Variants in GPR161 observed in about 807,000 individuals in gnomAD.
GPR161 encodes the protein G protein-coupled receptor 161, also known as G-protein coupled receptor RE2.
In GPR161, 25 loss-of-function variants were observed where a neutral mutation model predicts 39.2. The observed-to-expected ratio is 0.64, with a 90% CI of 0.47 to 0.89. GPR161 has a LOEUF of 0.89. GPR161 is among the 40% of genes least tolerant of loss of function. The probability of loss-of-function intolerance (pLI) is 0.00; values close to 1 mark genes in which losing one functional copy is unlikely to be tolerated. For missense variants in GPR161, 547 were observed against 677.8 expected (o/e 0.81, Z 2.14); for synonymous variants, 286 against 276.6 (o/e 1.03, Z -0.34).
At chr1:168,136,536 C>T in intron 1 of GPR161, 1 of 1,263,074 alleles carries the variant, frequency 7.9e-7, no homozygotes, top group Non-Finnish European at 1.0e-6. Flanking sequence ...AGAGCTCCAG[C>T]TCTCCAAAGC....
At chr1:168,107,799 T>C (rs186292932) in intron 1 of GPR161, among the ~76,000 whole-genome samples, 18 of 152,308 alleles carry the variant, frequency 1.2e-4, no homozygotes, top group Admixed American at 1.2e-3. Context: ...TGCCATTTCT[T>C]TCTTTTCAGA....
At chr1:168,096,357 G>A in intron 3 of GPR161, 151 bp downstream of exon 3, 1 of 778,006 alleles carries the variant, frequency 1.3e-6, no homozygotes, top group Non-Finnish European at 2.0e-6. Context: ...TCACAGCGGA[G>A]CCTCTGGAAT....
At chr1:168,104,383 C>T (rs1696391313) in intron 2 of GPR161, 94 bp downstream of exon 2, 2 of 1,033,902 alleles carry the variant, frequency 1.9e-6, no homozygotes, top group Non-Finnish European at 2.9e-6. Context: ...GGGCCCCTGA[C>T]ACTCTCCAGG....
Position 168,085,812 on chromosome 1 carries a change from GAA to G in GPR161, c.1325-18_1325-17del. On this transcript the variant is annotated splice_polypyrimidine_tract_variant and intron_variant, in intron 5 of 5. Coordinates refer to ENST00000682931, the MANE Select transcript of GPR161 (RefSeq NM_001375883.1). Reference sequence around the variant, plus strand: ...TTGGCAGCTTCTGAGGGAGAAGGCAGAAAAAAAAGTCAGCTGAGGAGCCAGGC... The same window carrying G: ...TTGGCAGCTTCTGAGGGAGAAGGCAGAAAAAAGTCAGCTGAGGAGCCAGGC... 6.3e-7 allele frequency: 1 copy of G among 1,598,064 alleles called. No homozygotes were observed. Among genetic ancestry groups the G allele is most frequent in the South Asian group, 1.1e-5 (1 of 89,934 alleles).
At chr1:168,093,907 G>A (rs886553199) in intron 3 of GPR161, among the ~76,000 whole-genome samples, 2 of 152,206 alleles carry the variant, frequency 1.3e-5, no homozygotes, top group African/African-American at 4.8e-5. Context: ...CTGGGATCAG[G>A]ACCTTCAGGG....
intron 1 of GPR161, 152 bp from the exon 2 acceptor site, chr1:168,105,046 C>A: frequency 1.6e-6 from 1 of 608,468 alleles, no homozygotes; most frequent in East Asian, 2.8e-5. Context: ...CACGTAAGCG[C>A]TACATAAGTG....
intron 1 of GPR161, among the ~76,000 whole-genome samples, chr1:168,125,293 G>A (rs948066375): frequency 2.0e-5 from 3 of 152,188 alleles, no homozygotes; most frequent in Admixed American, 6.5e-5. Context: ...TTTGGGGAGT[G>A]CTGATTTGTT....
chr1:168,119,269 T>TACATATATATAA (rs1466249779), intron 1 of GPR161, among the ~76,000 whole-genome samples: 2 of 126,462 alleles, frequency 1.6e-5, no homozygotes, highest in African/African-American at 6.6e-5. Context: ...TATATATATG[T>TACATATATATAA]GTATATATAT....
At chr1:168,126,528 T>C (rs905005340) in intron 1 of GPR161, among the ~76,000 whole-genome samples, 5 of 152,210 alleles carry the variant, frequency 3.3e-5, no homozygotes, top group Admixed American at 2.0e-4. Flanking sequence ...CACAGCCCAC[T>C]GTAGCCTCGA....
At chr1:168,137,200 T>C (rs908396493), upstream of GPR161, 38 of 1,434,550 alleles carry the variant, frequency 2.6e-5, no homozygotes, top group African/African-American at 1.3e-4. Context: ...CTGAAAACCT[T>C]TGTGGTGCCT....
chr1:168,084,270 A>G lies in GPR161; in HGVS notation c.*1261T>C, dbSNP rs1372416505. 1 of 169,662 alleles carries G rather than the reference A, an allele frequency of 5.9e-6. No homozygotes were observed. The highest frequency in any genetic ancestry group is 2.4e-5 in the African/African-American group (1 of 41,512). The allele number at this position is 169,662 out of a possible 1,614,324, so 10.5% of individuals were successfully genotyped here. A position where few individuals can be genotyped will look rare whatever the true frequency, so the allele number is the denominator to read the frequency against. On this transcript the variant is annotated 3_prime_UTR_variant, in exon 6 of 6. Coordinates refer to ENST00000682931, the MANE Select transcript of GPR161 (RefSeq NM_001375883.1). ...TGATCTGCCTGCACTTCACATGTGCATGAGCAACCACACTCCAAAGTTATA... is the reference window on the plus strand; with the variant it reads ...TGATCTGCCTGCACTTCACATGTGCGTGAGCAACCACACTCCAAAGTTATA...
In GPR161 at chr1:168,096,848, C is replaced by A. The variant is rs770649728; in HGVS notation, c.759G>T (p.Arg253Ser). The change falls in exon 3 of 6, where the codon AGG (arginine) becomes AGT (serine). Residue 253 changes from arginine (R) to serine (S), a missense_variant. By Grantham distance (110) the Arg-to-Ser change is moderately radical. Transcript: ENST00000682931. ...AGTAGACCACACCCTGAAAGGCATT[C>A]CTCCTGCTGCCTGAAGAGGAGGTGG... ...STSTSSSGSR[R>S]NAFQGVVYSA... 1.2e-6 allele frequency: 2 copies of A among 1,614,162 alleles called. No homozygotes were observed. Among genetic ancestry groups the A allele is most frequent in the Non-Finnish European group, 1.7e-6 (2 of 1,180,020 alleles).
In GPR161 at chr1:168,111,772, A is replaced by G. The variant is rs555443551; in HGVS notation, c.-44-6878T>C. 5.9e-5 allele frequency among the ~76,000 whole-genome samples: 9 copies of G among 152,354 alleles called. No individual in the cohort carries two copies. The East Asian group carries it at 1.7e-3, about 29-fold the overall frequency. ...CTAGAGTTAACAAGAATTTAGAGGTATGATTGAACATTTTCTAGGATTAAA... is the reference window on the plus strand; with the variant it reads ...CTAGAGTTAACAAGAATTTAGAGGTGTGATTGAACATTTTCTAGGATTAAA... On this transcript the variant is annotated intron_variant, in intron 1 of 5. Transcript: ENST00000682931.
chr1:168,117,658 T>G (rs1697749309), intron 1 of GPR161, among the ~76,000 whole-genome samples: 1 of 152,214 alleles, frequency 6.6e-6, no homozygotes. Flanking sequence ...AAACTGAGGC[T>G]CAGAAAGGTA....
chr1:168,100,688 G>A (rs1292696292), intron 2 of GPR161, among the ~76,000 whole-genome samples: 2 of 152,196 alleles, frequency 1.3e-5, no homozygotes, highest in Admixed American at 6.5e-5. Flanking sequence ...TAACAAAGGG[G>A]CAACACATTA....
rs10670498 is a variant in GPR161 at position 168,108,486 on chromosome 1, T to TAAAAAAAA, written c.-44-3600_-44-3593dup. On this transcript the variant is annotated intron_variant, in intron 1 of 5. Coordinates refer to ENST00000682931, the MANE Select transcript of GPR161 (RefSeq NM_001375883.1). ...ATTTTATCCACTGAGGCCCTAGTTG[T>TAAAAAAAA]AAAAAAAAAAAAAAAAAAAAAAAAA... Among the ~76,000 whole-genome samples, 129 of 17,464 alleles carry TAAAAAAAA rather than the reference T, an allele frequency of 7.4e-3. 26 individuals carry two copies. The highest frequency in any genetic ancestry group is 0.045 in the Middle Eastern group (1 of 22). 11.5% of individuals were successfully genotyped at this position (17,464 alleles called of 152,430 possible). A position where few individuals can be genotyped will look rare whatever the true frequency, so the allele number is the denominator to read the frequency against.
intron 1 of GPR161, among the ~76,000 whole-genome samples, chr1:168,135,265 G>A (rs1699275886): frequency 6.6e-6 from 1 of 152,164 alleles, no homozygotes; most frequent in African/African-American, 2.4e-5. Context: ...TTACCTAGCT[G>A]GGCAAGAATG....
intron 2 of GPR161, among the ~76,000 whole-genome samples, chr1:168,102,912 T>A (rs575909034): frequency 5.0e-4 from 73 of 147,134 alleles, no homozygotes; most frequent in East Asian, 2.0e-3. Context: ...AACTTTTTTT[T>A]AAAAAAAAAT....
chr1:168,085,661 A>T lies in GPR161; in HGVS notation c.1460T>A (p.Val487Asp). ...NLFGEEALPGVLVTARTVPGG... is the reference protein window; with the variant it reads ...NLFGEEALPGDLVTARTVPGG... ...CGGGACAGTCCGTGCTGTAACCAAG[A>T]CCCCTGGCAAAGCCTCCTCCCCAAA... The change falls in exon 6 of 6, where the codon GTC becomes GAC. Residue 487 changes from valine to aspartate, a missense_variant. Val to Asp is a radical substitution (Grantham distance 152). Transcript: ENST00000682931. 2 of 1,614,104 alleles carry T rather than the reference A, an allele frequency of 1.2e-6. No individual in the cohort carries two copies. The highest frequency in any genetic ancestry group is 2.2e-5 in the East Asian group (1 of 44,876).
Sources: gnomAD v4.1 joint callset for allele counts (sites outside exome capture counted in the v4.1 genomes callset) on GRCh38, gnomAD v4.1.1 for gene constraint, MANE v1.5 for transcripts, NCBI Gene and HGNC (gene_info 2026-07-23, HGNC 2026-07-21) for gene names.